GRM1: variants seen among roughly 807,000 people sequenced by gnomAD.
The protein encoded by GRM1 is metabotropic glutamate receptor 1.
A neutral mutation model predicts 90.9 loss-of-function variants in GRM1; 33 were observed. The observed-to-expected ratio is 0.36, with a 90% CI of 0.28 to 0.49. The LOEUF is 0.49. Among genes scored for constraint, GRM1 ranks in the 20% least tolerant of loss-of-function variants. The probability of loss-of-function intolerance (pLI) is 0.99; values close to 1 mark genes in which losing one functional copy is unlikely to be tolerated. For synonymous variants in GRM1, 700 were observed against 613.2 expected, an observed-to-expected ratio of 1.14 and a Z score of -2.09; for missense variants, 1,190 against 1,534.3, an observed-to-expected ratio of 0.78 and a Z score of 3.75.
At position 146,049,034 on chromosome 6, in the gene GRM1, G is replaced by T. The variant is rs531840636; in HGVS notation, c.700+18817G>T. Reference sequence around the variant, plus strand: ...TATTGTAAAACCTGCTCTAGGTTTTGGTACTTTCTGCATGTGCTAAAAAAA... The same window carrying T: ...TATTGTAAAACCTGCTCTAGGTTTTTGTACTTTCTGCATGTGCTAAAAAAA... On this transcript the variant is annotated intron_variant, in intron 1 of 7. Transcript: ENST00000282753. Among the ~76,000 whole-genome samples the T allele has an allele frequency of 4.0e-5, 6 of 151,478 alleles. No individual in the cohort carries two copies. The South Asian group carries it at 6.2e-4, about 16-fold the overall frequency.
intron 1 of GRM1, among the ~76,000 whole-genome samples, chr6:146,083,119 G>T (rs541982795): frequency 6.6e-6 from 1 of 152,236 alleles, no homozygotes; most frequent in East Asian, 1.9e-4. Context: ...TTGCTTATCA[G>T]CTTAAAGAGT....
At chr6:146,351,207 G>T (rs970401700) in intron 3 of GRM1, among the ~76,000 whole-genome samples, 3 of 152,138 alleles carry the variant, frequency 2.0e-5, no homozygotes, top group African/African-American at 7.2e-5. Context: ...GCCCCATGTT[G>T]TTCTCAACCC....
intron 1 of GRM1, among the ~76,000 whole-genome samples, chr6:146,126,016 C>T (rs1020248346): frequency 2.0e-5 from 3 of 151,908 alleles, no homozygotes; most frequent in Non-Finnish European, 4.4e-5. Flanking sequence ...TATTTCTATT[C>T]ATTTCTAGTT....
At chr6:146,407,530 T>C (rs1225680800) in intron 7 of GRM1, among the ~76,000 whole-genome samples, 2 of 152,220 alleles carry the variant, frequency 1.3e-5, no homozygotes, top group Non-Finnish European at 2.9e-5. Flanking sequence ...AGTCAATGCA[T>C]ATTCAAGTTC....
rs362907 is a variant in GRM1, at chr6:146,363,070, G to T, written c.1602+5376G>T. 6.8e-3 allele frequency among the ~76,000 whole-genome samples: 1,036 copies of T among 152,262 alleles called. 10 individuals are homozygous for T. Among genetic ancestry groups the T allele is most frequent in the Middle Eastern group, 0.034 (10 of 294 alleles). ...CAGGAGTTCGTATCTGGCTTTTCCTGTTAGTAGATATAGCTACTTGAGACA... is the reference window on the plus strand; with the variant it reads ...CAGGAGTTCGTATCTGGCTTTTCCTTTTAGTAGATATAGCTACTTGAGACA... On this transcript the variant is annotated intron_variant, in intron 5 of 7. Transcript: ENST00000282753.
intron 3 of GRM1, among the ~76,000 whole-genome samples, chr6:146,313,488 G>A (rs1342175358): frequency 2.0e-5 from 3 of 152,088 alleles, no homozygotes; most frequent in Admixed American, 6.6e-5. Context: ...TGTTTCTATG[G>A]CATTTTCCCA....
intron 5 of GRM1, among the ~76,000 whole-genome samples, chr6:146,376,061 G>T (rs980758460): frequency 6.6e-6 from 1 of 151,040 alleles, no homozygotes; most frequent in African/African-American, 2.4e-5. Context: ...TTGTTTTAAG[G>T]TTACAATGAG....
At chr6:146,212,414 T>C (rs1333758768) in intron 2 of GRM1, among the ~76,000 whole-genome samples, 1 of 152,226 alleles carries the variant, frequency 6.6e-6, no homozygotes, top group African/African-American at 2.4e-5. Context: ...TAATTCTCAG[T>C]ATAACCTCAA....
chr6:146,289,404 A>G (rs1004856815), intron 2 of GRM1, among the ~76,000 whole-genome samples: 4 of 152,234 alleles, frequency 2.6e-5, no homozygotes, highest in African/African-American at 9.6e-5. Flanking sequence ...AAATTTTTAT[A>G]TAGCTATACA....
chr6:146,119,140 G>A (rs1201437037), intron 1 of GRM1, among the ~76,000 whole-genome samples: 2 of 152,196 alleles, frequency 1.3e-5, no homozygotes, highest in South Asian at 2.1e-4. Flanking sequence ...ATTGTAACTG[G>A]TGTGAGATGG....
intron 2 of GRM1, among the ~76,000 whole-genome samples, chr6:146,236,737 G>T (rs1780659295): frequency 1.3e-5 from 2 of 152,074 alleles, no homozygotes; most frequent in African/African-American, 2.4e-5. Flanking sequence ...TCATTTTCCA[G>T]AGTCTTAAGG....
intron 3 of GRM1, among the ~76,000 whole-genome samples, chr6:146,310,603 G>T (rs966554713): frequency 2.0e-5 from 3 of 152,132 alleles, no homozygotes; most frequent in Non-Finnish European, 4.4e-5. Context: ...GTAGAGTTTT[G>T]TTCCCTACCT....
chr6:146,138,580 G>A (rs1046840695), intron 1 of GRM1, among the ~76,000 whole-genome samples: 1 of 151,816 alleles, frequency 6.6e-6, no homozygotes, highest in African/African-American at 2.4e-5. Flanking sequence ...TTCAGGTTTG[G>A]GATTTCTTCC....
intron 1 of GRM1, among the ~76,000 whole-genome samples, chr6:146,112,641 A>G (rs938918078): frequency 6.6e-6 from 1 of 152,184 alleles, no homozygotes; most frequent in African/African-American, 2.4e-5. Flanking sequence ...ATGCATAAGA[A>G]GTAGGAAGAT....
rs117941570 is a variant in GRM1, at chr6:146,085,398, C to T, written c.700+55181C>T. Among the ~76,000 whole-genome samples the T allele has an allele frequency of 4.0e-3, 603 of 152,172 alleles. 18 individuals carry two copies. The East Asian group carries it at 0.069, about 17-fold the overall frequency. ...ATGGAGAAAGAACTTGACCAGTTTTCGGAGAAGAAATTTAAGATGGTATAG... is the reference window on the plus strand; with the variant it reads ...ATGGAGAAAGAACTTGACCAGTTTTTGGAGAAGAAATTTAAGATGGTATAG... On this transcript the variant is annotated intron_variant, in intron 1 of 7. Transcript: ENST00000282753.
chr6:146,328,613 T>G (rs1784478775), intron 3 of GRM1, among the ~76,000 whole-genome samples: 1 of 152,236 alleles, frequency 6.6e-6, no homozygotes, highest in African/African-American at 2.4e-5. Context: ...TGTACATATA[T>G]TCAACACTAT....
chr6:146,038,111 C>T (rs1471351792), intron 1 of GRM1, among the ~76,000 whole-genome samples: 1 of 151,868 alleles, frequency 6.6e-6, no homozygotes, highest in Non-Finnish European at 1.5e-5. Context: ...TTCTCCAGCT[C>T]CTTCAGGGCA....
chr6:146,043,796 T>TATATATATATATAGATATAG (rs59240985), intron 1 of GRM1, among the ~76,000 whole-genome samples: 1 of 137,940 alleles, frequency 7.2e-6, no homozygotes, highest in Non-Finnish European at 1.6e-5. Context: ...TATATATATA[T>TATATATATATATAGATATAG]ATATATATAT....
chr6:146,275,161 G>A (rs190278926), intron 2 of GRM1, among the ~76,000 whole-genome samples: 1,583 of 148,860 alleles, frequency 0.011, 18 homozygotes, highest in Non-Finnish European at 0.018. Context: ...TTCAAAAAGC[G>A]AAACTGACAG....
Sources: allele counts gnomAD v4.1 joint callset (sites outside exome capture counted in the v4.1 genomes callset), GRCh38; gene constraint gnomAD v4.1.1; transcripts MANE v1.5; gene names NCBI Gene and HGNC (gene_info 2026-07-23, HGNC 2026-07-21).